EPHA6: variants seen among roughly 807,000 people sequenced by gnomAD.
The protein encoded by EPHA6 is ephrin type-A receptor 6.
A neutral mutation model predicts 112.0 loss-of-function variants in EPHA6; 50 were observed. The observed-to-expected ratio is 0.45, with a 90% CI of 0.36 to 0.56. EPHA6 has a LOEUF of 0.56. Among genes scored for constraint, EPHA6 ranks in the 20% least tolerant of loss-of-function variants. The probability of loss-of-function intolerance (pLI) is 0.00; values close to 1 mark genes in which losing one functional copy is unlikely to be tolerated. For synonymous variants in EPHA6, 529 were observed against 490.7 expected, an observed-to-expected ratio of 1.08 and a Z score of -1.03; for missense variants, 1,280 against 1,417.4, an observed-to-expected ratio of 0.90 and a Z score of 1.56.
intron 3 of EPHA6, among the ~76,000 whole-genome samples, chr3:97,095,386 G>T (rs1053979062): frequency 1.3e-5 from 2 of 151,770 alleles, no homozygotes; most frequent in African/African-American, 2.4e-5. Flanking sequence ...CACCAACATG[G>T]CACATGTATA....
intron 5 of EPHA6, among the ~76,000 whole-genome samples, chr3:97,284,096 A>C (rs1161906493): frequency 6.6e-6 from 1 of 151,996 alleles, no homozygotes; most frequent in African/African-American, 2.4e-5. Context: ...ATACATGTTT[A>C]AATAAATAAA....
At chr3:97,091,274 T>C (rs1385724757) in intron 3 of EPHA6, among the ~76,000 whole-genome samples, 1 of 152,134 alleles carries the variant, frequency 6.6e-6, no homozygotes, top group Non-Finnish European at 1.5e-5. Context: ...TCTATGCCAT[T>C]AGCTCAAAAG....
chr3:97,389,678 CACA>C (rs2086288285), intron 5 of EPHA6, among the ~76,000 whole-genome samples: 1 of 152,068 alleles, frequency 6.6e-6, no homozygotes, highest in Admixed American at 6.6e-5. Flanking sequence ...GATTATATAG[CACA>C]ACATGTTGCA....
chr3:97,063,758 A>T (rs1035833634), intron 3 of EPHA6, among the ~76,000 whole-genome samples: 2 of 152,172 alleles, frequency 1.3e-5, no homozygotes, highest in African/African-American at 4.8e-5. Flanking sequence ...ATAGTTAAAT[A>T]ATTAAAAAAA....
chr3:96,882,948 G>C (rs776498860), intron 2 of EPHA6, among the ~76,000 whole-genome samples: 1 of 152,164 alleles, frequency 6.6e-6, no homozygotes, highest in African/African-American at 2.4e-5. Flanking sequence ...ATACCCAGTA[G>C]TGGGATTGCT....
chr3:96,879,066 A>G (rs1559794876), intron 2 of EPHA6, among the ~76,000 whole-genome samples: 1 of 152,074 alleles, frequency 6.6e-6, no homozygotes, highest in Non-Finnish European at 1.5e-5. Flanking sequence ...TTTAATTGAA[A>G]TATTGTCTAT....
At chr3:97,078,660 C>T (rs930348492) in intron 3 of EPHA6, among the ~76,000 whole-genome samples, 1 of 152,062 alleles carries the variant, frequency 6.6e-6, no homozygotes, top group African/African-American at 2.4e-5. Flanking sequence ...GAATCCTTTC[C>T]CCATTTCTTG....
chr3:97,253,927 A>AT (rs2079220683), intron 5 of EPHA6, among the ~76,000 whole-genome samples: 2 of 152,078 alleles, frequency 1.3e-5, no homozygotes, highest in Admixed American at 1.3e-4. Flanking sequence ...TAAGTTTATT[A>AT]TTTTTTATAA....
intron 4 of EPHA6, among the ~76,000 whole-genome samples, chr3:97,228,035 T>C (rs2108547960): frequency 6.6e-6 from 1 of 152,234 alleles, no homozygotes; most frequent in Admixed American, 6.5e-5. Flanking sequence ...TTAATGGTAG[T>C]AAAGGAGGGA....
rs2035860627 is a variant in EPHA6 at position 97,750,138 on chromosome 3, G to C, written c.*1437G>C. ...ACTAAAAAAATGACGACTGTTTTAGGTGAAAGAGTAAGTAAAATGTGTTGA... is the reference window on the plus strand; with the variant it reads ...ACTAAAAAAATGACGACTGTTTTAGCTGAAAGAGTAAGTAAAATGTGTTGA... On this transcript the variant is annotated 3_prime_UTR_variant, in exon 18 of 18. Coordinates refer to ENST00000389672, the MANE Select transcript of EPHA6 (RefSeq NM_001080448.3). Among the ~76,000 whole-genome samples the C allele has an allele frequency of 6.6e-6, 1 of 152,064 alleles. No individual in the cohort carries two copies. Among genetic ancestry groups the C allele is most frequent in the African/African-American group, 2.4e-5 (1 of 41,402 alleles).
intron 1 of EPHA6, among the ~76,000 whole-genome samples, chr3:96,843,285 A>G (rs1415580303): frequency 6.6e-6 from 1 of 152,062 alleles, no homozygotes; most frequent in East Asian, 1.9e-4. Context: ...CTTTGTTTTA[A>G]TGTTGTAAGA....
chr3:97,120,909 A>G (rs1260235458), intron 3 of EPHA6, among the ~76,000 whole-genome samples: 4 of 152,022 alleles, frequency 2.6e-5, no homozygotes, highest in African/African-American at 9.7e-5. Context: ...TGGCTTCTAA[A>G]AAACATTTAA....
At chr3:97,746,930 T>C (rs2035739473) in intron 16 of EPHA6, among the ~76,000 whole-genome samples, 1 of 151,928 alleles carries the variant, frequency 6.6e-6, no homozygotes, top group South Asian at 2.1e-4. Flanking sequence ...GATCAATGAA[T>C]TCACCATAAG....
intron 3 of EPHA6, among the ~76,000 whole-genome samples, chr3:96,994,732 T>TATATAGAGAGAGAGAGAGAGAG (rs1170197805): frequency 1.2e-4 from 10 of 82,202 alleles, no homozygotes; most frequent in African/African-American, 5.8e-4. Context: ...TATATATATA[T>TATATAGAGAGAGAGAGAGAGAG]AGAGAGAGAG....
intron 4 of EPHA6, among the ~76,000 whole-genome samples, chr3:97,234,571 T>C (rs1006912897): frequency 6.6e-6 from 1 of 152,130 alleles, no homozygotes; most frequent in African/African-American, 2.4e-5. Context: ...ATGACACTTA[T>C]CCTGTTGATC....
At chr3:97,598,826 C>T (rs2093617509) in intron 12 of EPHA6, among the ~76,000 whole-genome samples, 1 of 151,896 alleles carries the variant, frequency 6.6e-6, no homozygotes, top group Non-Finnish European at 1.5e-5. Context: ...TTCTAGATCC[C>T]TGAAGAATCG....
chr3:97,638,751 T>A (rs2093973812), intron 14 of EPHA6, among the ~76,000 whole-genome samples: 1 of 152,162 alleles, frequency 6.6e-6, no homozygotes, highest in South Asian at 2.1e-4. Flanking sequence ...AGAAATTTGG[T>A]CTCAAAGTCT....
intron 14 of EPHA6, among the ~76,000 whole-genome samples, chr3:97,667,296 T>C (rs1207626207): frequency 6.6e-6 from 1 of 152,230 alleles, no homozygotes; most frequent in Non-Finnish European, 1.5e-5. Flanking sequence ...GTCTAATAAA[T>C]CATATAACTG....
chr3:96,875,504 T>A (rs984649571), intron 2 of EPHA6, among the ~76,000 whole-genome samples: 2 of 152,112 alleles, frequency 1.3e-5, no homozygotes, highest in Admixed American at 6.6e-5. Context: ...TTTTGTAGAA[T>A]GATGAAATTC....
Sources: gnomAD v4.1 joint callset for allele counts (sites outside exome capture counted in the v4.1 genomes callset) on GRCh38, gnomAD v4.1.1 for gene constraint, MANE v1.5 for transcripts, NCBI Gene and HGNC (gene_info 2026-07-23, HGNC 2026-07-21) for gene names.